TRAFD1: variants seen among roughly 807,000 people sequenced by gnomAD.
The protein encoded by TRAFD1 is TRAF-type zinc finger domain-containing protein 1.
TRAFD1 carries 38 observed loss-of-function variants against 65.3 expected under a neutral mutation model. The observed-to-expected ratio is 0.58, with a 90% CI of 0.45 to 0.76. The LOEUF is 0.76. Ranked by LOEUF, TRAFD1 falls within the 30% of genes least tolerant of loss-of-function variation. The pLI, the probability that TRAFD1 is intolerant of heterozygous loss-of-function variation, is 0.00. For missense variants in TRAFD1, 631 were observed against 712.6 expected, an observed-to-expected ratio of 0.89 and a Z score of 1.30; for synonymous variants, 223 against 257.2, an observed-to-expected ratio of 0.87 and a Z score of 1.27.
intron 7 of TRAFD1, among the ~76,000 whole-genome samples, 163 bp downstream of exon 7, chr12:112,145,825 CTT>C (rs1397221677): frequency 6.6e-6 from 1 of 152,110 alleles, no homozygotes; most frequent in African/African-American, 2.4e-5. Context: ...GATATGAAAA[CTT>C]AGCCTTGTTC....
In TRAFD1 at chr12:112,152,116, G is replaced by A; in HGVS notation, c.1595G>A (p.Gly532Glu). ...PENIVPSFSP[G>E]PSGRYGASGR... Reference sequence around the variant, plus strand: ...AACATTGTGCCCTCTTTCTCCCCTGGGCCTTCAGGGAGATACGGAGCTAGG... The same window carrying A: ...AACATTGTGCCCTCTTTCTCCCCTGAGCCTTCAGGGAGATACGGAGCTAGG... The change falls in exon 10 of 12, where the codon GGG (glycine) becomes GAG (glutamate). Residue 532 changes from glycine (G) to glutamate (E), a missense_variant. By Grantham distance (98) the Gly-to-Glu change is moderately conservative (BLOSUM62 -2). Transcript: ENST00000412615. This position sits in a 1 kb window ranked among gnomAD's most constrained non-coding sequence, Gnocchi z 5.0. 6.2e-7 allele frequency: 1 copy of A among 1,613,118 alleles called. No homozygotes were observed. Among genetic ancestry groups the A allele is most frequent in the East Asian group, 2.2e-5 (1 of 44,850 alleles).
intron 1 of TRAFD1, among the ~76,000 whole-genome samples, chr12:112,126,314 A>G (rs1259795393): frequency 6.6e-6 from 1 of 152,106 alleles, no homozygotes; most frequent in Non-Finnish European, 1.5e-5. Context: ...TCTGCGGACT[A>G]GAGAGATCTA....
chr12:112,143,406 G>A (rs914922019), intron 6 of TRAFD1, among the ~76,000 whole-genome samples: 1 of 151,232 alleles, frequency 6.6e-6, no homozygotes, highest in African/African-American at 2.4e-5. Context: ...TGTATTATTA[G>A]TAGAGACGGG....
At chr12:112,149,948 G>T in intron 9 of TRAFD1, 77 bp downstream of exon 9, 1 of 1,574,682 alleles carries the variant, frequency 6.4e-7, no homozygotes. Flanking sequence ...CCCATCCACT[G>T]CTCTAATGTG....
At position 112,130,815 on chromosome 12, in the gene TRAFD1, T is replaced by C. The variant is rs541003166; in HGVS notation, c.47+246T>C. ...TTTCCTAAGAACTTATCTTGGTATC[T>C]TGGTGCTATACAAGTGCTGTTACTG... On this transcript the variant is annotated intron_variant, in intron 2 of 11. Coordinates refer to ENST00000412615, the MANE Select transcript of TRAFD1 (RefSeq NM_006700.3). This position sits in a 1 kb window ranked among gnomAD's most constrained non-coding sequence, Gnocchi z 4.4. Among the ~76,000 whole-genome samples the C allele has an allele frequency of 3.3e-5, 5 of 152,238 alleles. No homozygotes were observed. The highest frequency in any genetic ancestry group is 4.4e-5 in the Non-Finnish European group (3 of 68,030).
rs1784584841 is a variant in TRAFD1 at position 112,152,682 on chromosome 12, A to G, written c.1693-53A>G. The stretch of plus-strand genomic sequence containing the variant: ...ATTTTCGGGGATCCAGGGGAGGAGT[A>G]ATGCTTTTTCACTTTTTATGTAAAG... On this transcript the variant is annotated intron_variant, in intron 11 of 11. Coordinates refer to ENST00000412615, the MANE Select transcript of TRAFD1 (RefSeq NM_006700.3). This position sits in a 1 kb window ranked among gnomAD's most constrained non-coding sequence, Gnocchi z 5.0. 3 of 1,613,518 alleles carry G rather than the reference A, an allele frequency of 1.9e-6. No individual in the cohort carries two copies. The highest frequency in any genetic ancestry group is 1.7e-6 in the Non-Finnish European group (2 of 1,179,556).
intron 5 of TRAFD1, chr12:112,141,520 T>TTA (rs1313508085): frequency 3.1e-6 from 1 of 320,794 alleles, no homozygotes; most frequent in Non-Finnish European, 5.7e-6. Context: ...AGTATTTGCA[T>TTA]TATATATACT....
chr12:112,129,715 T>G (rs1356390654), intron 1 of TRAFD1, among the ~76,000 whole-genome samples: 1 of 152,206 alleles, frequency 6.6e-6, no homozygotes, highest in Non-Finnish European at 1.5e-5. Context: ...CGATCTTGGC[T>G]CACTGCAACT....
At position 112,153,023 on chromosome 12, in the gene TRAFD1, G is replaced by A. The variant is rs891180490; in HGVS notation, c.*232G>A. On this transcript the variant is annotated 3_prime_UTR_variant, in exon 12 of 12. Coordinates refer to ENST00000412615, the MANE Select transcript of TRAFD1 (RefSeq NM_006700.3). ...CTTCAGCCTTAGCTGCTACCTTTCGGCAGCAGTGAAATACAAGCTGCAGCC... is the reference window on the plus strand; with the variant it reads ...CTTCAGCCTTAGCTGCTACCTTTCGACAGCAGTGAAATACAAGCTGCAGCC... The A allele has an allele frequency of 2.0e-6, 1 of 487,884 alleles. No individual in the cohort carries two copies. Among genetic ancestry groups the A allele is most frequent in the Non-Finnish European group, 3.6e-6 (1 of 275,988 alleles). 30.2% of individuals were successfully genotyped at this position (487,884 alleles called of 1,614,324 possible). A position where few individuals can be genotyped will look rare whatever the true frequency, so the allele number is the denominator to read the frequency against.
rs761345734 is a variant in TRAFD1, at chr12:112,140,873, T to C, written c.292T>C (p.Ser98Pro). ...AVCQHCDLEL[S>P]ILKLKEHEDY... ...CTGCCAGCACTGTGATTTAGAACTT[T>C]CCATTCTCAAACTGAAGGAACATGA... The change falls in exon 5 of 12, where the codon TCC becomes CCC. Residue 98 changes from serine to proline, a missense_variant. Physicochemically the swap from Ser to Pro is moderately conservative, Grantham distance 74. Coordinates refer to ENST00000412615, the MANE Select transcript of TRAFD1 (RefSeq NM_006700.3). The C allele has an allele frequency of 3.1e-6, 5 of 1,614,070 alleles. No individual in the cohort carries two copies. The highest frequency in any genetic ancestry group is 3.3e-5 in the Admixed American group (2 of 59,996).
At chr12:112,136,460 T>C (rs2029914552) in intron 4 of TRAFD1, among the ~76,000 whole-genome samples, 1 of 151,962 alleles carries the variant, frequency 6.6e-6, no homozygotes, top group African/African-American at 2.4e-5. Flanking sequence ...TTTTTGTATT[T>C]TTAGTAGAGA....
Position 112,142,269 on chromosome 12 carries a change from G to T in TRAFD1, c.824G>T (p.Gly275Val). 1 of 1,613,622 alleles carries T rather than the reference G, an allele frequency of 6.2e-7. No homozygotes were observed. Among genetic ancestry groups the T allele is most frequent in the South Asian group, 1.1e-5 (1 of 91,062 alleles). Reference protein sequence around the residue: ...AVCEADQSHGGPRSLSDIKGA... With the variant: ...AVCEADQSHGVPRSLSDIKGA... Reference sequence around the variant, plus strand: ...TGTGAGGCCGACCAGTCTCATGGCGGTCCCAGGTCTCTCAGTGACATAAAG... The same window carrying T: ...TGTGAGGCCGACCAGTCTCATGGCGTTCCCAGGTCTCTCAGTGACATAAAG... Residue 275 changes from glycine to valine, a missense_variant, in exon 6 of 12, where the codon GGT becomes GTT. Gly to Val is a moderately radical substitution (Grantham distance 109). Transcript: ENST00000412615.
chr12:112,151,698 G>T, intron 9 of TRAFD1, 103 bp from the exon 10 acceptor site: 1 of 1,176,616 alleles, frequency 8.5e-7, no homozygotes, highest in South Asian at 1.6e-5. Context: ...ACGCCTGGCT[G>T]AGCAGTTGTC....
In TRAFD1 at chr12:112,153,233, C is replaced by A; in HGVS notation, c.*442C>A. ...TCCGTGTACTGCGTCTGTCCACACT[C>A]GATTGGGCCCCAGGTGTGTATGAGG... is the stretch of plus-strand genomic sequence containing the variant. On this transcript the variant is annotated 3_prime_UTR_variant, in exon 12 of 12. Coordinates refer to ENST00000412615, the MANE Select transcript of TRAFD1 (RefSeq NM_006700.3). 6.1e-6 allele frequency: 1 copy of A among 163,778 alleles called. No individual in the cohort carries two copies. 10.1% of individuals were successfully genotyped at this position (163,778 alleles called of 1,614,324 possible). A position where few individuals can be genotyped will look rare whatever the true frequency, so the allele number is the denominator to read the frequency against.
Position 112,152,488 on chromosome 12 carries a change from A to G in TRAFD1, c.1681A>G (p.Arg561Gly). ...VTPAAANYRS[R>G]TAKAKPSKQQ... is the part of the protein sequence containing the mutation. ...CCCTGCAGCTGCCAACTACCGCAGC[A>G]GAACTGCAAAGGTAAGGTGGGCTCC... The change falls in exon 11 of 12, where the codon AGA becomes GGA. Residue 561 changes from arginine (R) to glycine (G), a missense_variant. Transcript: ENST00000412615. The surrounding 1 kb of genome is among the most constrained non-coding windows in gnomAD (Gnocchi z 5.0). 1 of 1,614,062 alleles carries G rather than the reference A, an allele frequency of 6.2e-7. No homozygotes were observed.
chr12:112,149,650 TC>T, intron 8 of TRAFD1, 100 bp from the exon 9 acceptor site: 2 of 1,495,156 alleles, frequency 1.3e-6, no homozygotes, highest in Non-Finnish European at 1.8e-6. Context: ...GTTGTCAAAG[TC>T]CCCCTCCAGA....
At chr12:112,146,377 G>T (rs1046900424) in intron 7 of TRAFD1, among the ~76,000 whole-genome samples, 1 of 151,816 alleles carries the variant, frequency 6.6e-6, no homozygotes, top group Non-Finnish European at 1.5e-5. Context: ...AAAAAAAGGG[G>T]GGGGCAGGGA....
chr12:112,131,823 A>G (rs2079567559), intron 2 of TRAFD1, among the ~76,000 whole-genome samples: 1 of 152,240 alleles, frequency 6.6e-6, no homozygotes, highest in South Asian at 2.1e-4. Context: ...CAACTGTTTT[A>G]TATAATTGTT....
At chr12:112,126,458 TA>T (rs2079538121) in intron 1 of TRAFD1, among the ~76,000 whole-genome samples, 1 of 152,116 alleles carries the variant, frequency 6.6e-6, no homozygotes, top group Admixed American at 6.6e-5. Context: ...CCAGAGAGGT[TA>T]AATCTGGCAG....
Sources: allele counts gnomAD v4.1 joint callset (sites outside exome capture counted in the v4.1 genomes callset), GRCh38; gene constraint gnomAD v4.1.1; non-coding constraint Gnocchi (gnomAD v3.1); transcripts MANE v1.5; gene names NCBI Gene and HGNC (gene_info 2026-07-23, HGNC 2026-07-21).